TOPAZ1: variants seen among roughly 807,000 people sequenced by gnomAD.
TOPAZ1 encodes protein TOPAZ1.
In TOPAZ1, 66 loss-of-function variants were observed where a neutral mutation model predicts 172.2. The observed-to-expected ratio is 0.38, with a 90% confidence interval of 0.31 to 0.47. TOPAZ1 has a LOEUF of 0.47. Among genes scored for constraint, TOPAZ1 ranks in the 20% least tolerant of loss-of-function variants. The pLI, the probability that TOPAZ1 is intolerant of heterozygous loss-of-function variation, is 0.99. For missense variants in TOPAZ1, 1,822 were observed against 1,972.4 expected, an observed-to-expected ratio of 0.92 and a Z score of 1.44; for synonymous variants, 681 against 683.9, an observed-to-expected ratio of 1.00 and a Z score of 0.07.
intron 8 of TOPAZ1, among the ~76,000 whole-genome samples, chr3:44,275,545 A>G (rs1002146561): frequency 6.6e-6 from 1 of 151,916 alleles, no homozygotes; most frequent in African/African-American, 2.4e-5. Flanking sequence ...CTTTTTTATG[A>G]CCAAATAATA....
intron 11 of TOPAZ1, 73 bp downstream of exon 11, chr3:44,287,912 C>T (rs530214745): frequency 2.9e-6 from 2 of 698,434 alleles, no homozygotes; most frequent in Non-Finnish European, 4.7e-6. Flanking sequence ...TGGGGGGGTA[C>T]CCTTGAGCTG....
At chr3:44,274,214 A>G (rs976933118) in intron 8 of TOPAZ1, among the ~76,000 whole-genome samples, 5 of 150,876 alleles carry the variant, frequency 3.3e-5, no homozygotes, top group African/African-American at 1.2e-4. Context: ...GTTCAAGACC[A>G]GCTTGACCTA....
At chr3:44,284,803 CTT>C (rs1212513537) in intron 9 of TOPAZ1, among the ~76,000 whole-genome samples, 1 of 152,082 alleles carries the variant, frequency 6.6e-6, no homozygotes, top group Non-Finnish European at 1.5e-5. Context: ...AGAAAAAAGT[CTT>C]TTCTTTTAAA....
chr3:44,242,307 G>T lies in TOPAZ1; in HGVS notation c.254G>T (p.Arg85Leu), dbSNP rs928611637. 1.3e-6 allele frequency: 2 copies of T among 1,551,722 alleles called. No individual in the cohort carries two copies. Among genetic ancestry groups the T allele is most frequent in the Non-Finnish European group, 8.7e-7 (1 of 1,146,928 alleles). ...GKAARRQVEG[R>L]RGPVSPSDSS... ...GCCGCAAGGCGTCAGGTGGAGGGGC[G>T]CAGGGGCCCGGTGAGCCCGTCAGAC... The change falls in exon 1 of 20, where the codon CGC becomes CTC. Residue 85 changes from arginine to leucine, a missense_variant. Around this residue, in one of 2 missense-constraint regions of TOPAZ1, gnomAD observed 1,489 missense variants for 1,490.8 expected, o/e 1.00. Coordinates refer to ENST00000309765, the MANE Select transcript of TOPAZ1 (RefSeq NM_001145030.2).
Position 44,305,186 on chromosome 3 carries a change from T to G in TOPAZ1, c.3904T>G (p.Leu1302Val). Residue 1302 changes from leucine (L) to valine (V), a missense_variant, in exon 14 of 20, where the codon TTA becomes GTA. By Grantham distance (32) the Leu-to-Val change is conservative. Transcript: ENST00000309765. ...EKGDWTKLGK[L>V]YINVKMGCEK... is the part of the protein sequence containing the mutation. ...AGGTGACTGGACCAAATTGGGAAAA[T>G]TATACATTAACGTAAAAATGGGCTG... 6.5e-7 allele frequency: 1 copy of G among 1,540,704 alleles called. No homozygotes were observed. Among genetic ancestry groups the G allele is most frequent in the Non-Finnish European group, 8.7e-7 (1 of 1,143,472 alleles).
chr3:44,303,479 C>CTTTTTTTTTTTTTTTTTTTTGTT (rs1700299328), intron 12 of TOPAZ1, among the ~76,000 whole-genome samples: 1 of 109,946 alleles, frequency 9.1e-6, no homozygotes, highest in Non-Finnish European at 1.8e-5. Context: ...TGCTTGCTTG[C>CTTTTTTTTTTTTTTTTTTTTGTT]TTTTTTTTTT....
intron 2 of TOPAZ1, among the ~76,000 whole-genome samples, chr3:44,246,966 A>G (rs1194056163): frequency 6.6e-6 from 1 of 152,218 alleles, no homozygotes; most frequent in African/African-American, 2.4e-5. Context: ...AGATGTTGAC[A>G]GTGAGCTAAG....
At chr3:44,273,636 C>T (rs1699921526) in intron 8 of TOPAZ1, among the ~76,000 whole-genome samples, 1 of 152,124 alleles carries the variant, frequency 6.6e-6, no homozygotes, top group Admixed American at 6.6e-5. Context: ...CCCCATGCTC[C>T]AATCACACCA....
At chr3:44,285,632 C>T (rs372242884) in intron 9 of TOPAZ1, among the ~76,000 whole-genome samples, 1 of 151,860 alleles carries the variant, frequency 6.6e-6, no homozygotes, top group South Asian at 2.1e-4. Context: ...TGCAGTCGCA[C>T]GATCTTGGCT....
chr3:44,289,376 C>T (rs1212750852), intron 11 of TOPAZ1, among the ~76,000 whole-genome samples: 1 of 152,106 alleles, frequency 6.6e-6, no homozygotes, highest in Non-Finnish European at 1.5e-5. Flanking sequence ...AGCTGTTTTC[C>T]TCTTTTAAAA....
intron 2 of TOPAZ1, among the ~76,000 whole-genome samples, chr3:44,250,519 G>A (rs1699618535): frequency 6.6e-6 from 1 of 152,010 alleles, no homozygotes; most frequent in Non-Finnish European, 1.5e-5. Flanking sequence ...TTCTGAGGTT[G>A]AAACTCTATT....
At chr3:44,281,639 C>G (rs1345975426) in intron 8 of TOPAZ1, among the ~76,000 whole-genome samples, 1 of 152,214 alleles carries the variant, frequency 6.6e-6, no homozygotes, top group Non-Finnish European at 1.5e-5. Context: ...AAAAGACCAT[C>G]TTTTCCCCGC....
At chr3:44,286,393 G>C (rs1407272759) in intron 9 of TOPAZ1, among the ~76,000 whole-genome samples, 1 of 152,046 alleles carries the variant, frequency 6.6e-6, no homozygotes, top group Non-Finnish European at 1.5e-5. Context: ...CTTCTGTATA[G>C]GCGACTATAT....
intron 18 of TOPAZ1, among the ~76,000 whole-genome samples, chr3:44,327,212 A>G (rs1700609791): frequency 6.6e-6 from 1 of 152,252 alleles, no homozygotes. Context: ...GCACATGTAC[A>G]TGGCACATAG....
chr3:44,280,043 C>A (rs1315825200), intron 8 of TOPAZ1, among the ~76,000 whole-genome samples: 1 of 151,960 alleles, frequency 6.6e-6, no homozygotes, highest in Non-Finnish European at 1.5e-5. Flanking sequence ...TTAAGTATTT[C>A]TTGTAGGGCT....
rs1469688382 is a variant in TOPAZ1 at position 44,243,368 on chromosome 3, A to G, written c.862A>G (p.Met288Val). 2.3e-5 allele frequency: 36 copies of G among 1,550,952 alleles called. No homozygotes were observed. The highest frequency in any genetic ancestry group is 7.2e-5 in the South Asian group (6 of 83,830). The change falls in exon 2 of 20, where the codon ATG becomes GTG. Residue 288 changes from methionine to valine, a missense_variant. Coordinates refer to ENST00000309765, the MANE Select transcript of TOPAZ1 (RefSeq NM_001145030.2). ...GCTCTTACAAACAGAAGAAAATGTAATGGGAGTAAATAAGTTACTACCAGA... is the reference window on the plus strand; with the variant it reads ...GCTCTTACAAACAGAAGAAAATGTAGTGGGAGTAAATAAGTTACTACCAGA... ...PQLLQTEENV[M>V]GVNKLLPEES...
intron 12 of TOPAZ1, among the ~76,000 whole-genome samples, chr3:44,291,430 A>G (rs1402607946): frequency 1.3e-5 from 2 of 151,868 alleles, no homozygotes; most frequent in Non-Finnish European, 2.9e-5. Flanking sequence ...GTGAAACCCC[A>G]TATCTACTAA....
At chr3:44,283,555 A>G (rs1193063428) in intron 9 of TOPAZ1, among the ~76,000 whole-genome samples, 1 of 152,158 alleles carries the variant, frequency 6.6e-6, no homozygotes, top group African/African-American at 2.4e-5. Flanking sequence ...TTGTTTATCT[A>G]TTTTATATTT....
intron 18 of TOPAZ1, among the ~76,000 whole-genome samples, chr3:44,326,230 T>C (rs1372377805): frequency 1.3e-5 from 2 of 152,238 alleles, no homozygotes; most frequent in Non-Finnish European, 2.9e-5. Context: ...CCAAACTGTT[T>C]CCTGAAGAAG....
Sources: gnomAD v4.1 joint callset for allele counts (sites outside exome capture counted in the v4.1 genomes callset) on GRCh38, gnomAD v4.1.1 for gene constraint, gnomAD v4.1.1 regional missense constraint, MANE v1.5 for transcripts, NCBI Gene and HGNC (gene_info 2026-07-23, HGNC 2026-07-21) for gene names.